Variants in BIRC6 observed in about 807,000 individuals in gnomAD.
BIRC6 encodes dual E2 ubiquitin-conjugating enzyme/E3 ubiquitin-protein ligase BIRC6.
BIRC6 carries 98 observed loss-of-function variants against 503.3 expected under a neutral mutation model. That is an observed-to-expected ratio of 0.19 (90% confidence interval 0.17 to 0.23). The LOEUF is 0.23. Ranked by LOEUF, BIRC6 falls within the 10% of genes least tolerant of loss-of-function variation. BIRC6 has a pLI of 1.00. For missense variants in BIRC6, 5,360 were observed against 5,806.0 expected, an observed-to-expected ratio of 0.92 and a Z score of 2.50; for synonymous variants, 2,240 against 2,078.7, an observed-to-expected ratio of 1.08 and a Z score of -2.11.
chr2:32,447,606 T>C (rs1479901432), intron 21 of BIRC6, among the ~76,000 whole-genome samples: 352 of 90,390 alleles, frequency 3.9e-3, no homozygotes, highest in South Asian at 4.2e-3. Context: ...GGCGGGGGGC[T>C]GATCCCCCCA....
chr2:32,590,644 A>G (rs1295622521), intron 66 of BIRC6, among the ~76,000 whole-genome samples: 2 of 152,160 alleles, frequency 1.3e-5, no homozygotes, highest in African/African-American at 4.8e-5. Context: ...CAGGAGAAAG[A>G]TTTGCCCATT....
At chr2:32,593,802 CAT>C (rs956855176) in intron 66 of BIRC6, 111 bp from the exon 67 acceptor site, 7 of 930,108 alleles carry the variant, frequency 7.5e-6, no homozygotes, top group African/African-American at 5.0e-5. Context: ...TAATATAGAT[CAT>C]GTGTGTGACA....
At chr2:32,520,803 C>G (rs759488710) in intron 57 of BIRC6, among the ~76,000 whole-genome samples, 1 of 152,010 alleles carries the variant, frequency 6.6e-6, no homozygotes, top group Admixed American at 6.6e-5. Flanking sequence ...GACGACAGAG[C>G]GAGACTCTCT....
intron 3 of BIRC6, among the ~76,000 whole-genome samples, chr2:32,381,758 C>T (rs1170344435): frequency 2.0e-5 from 3 of 151,972 alleles, no homozygotes; most frequent in Non-Finnish European, 4.4e-5. Context: ...GTTGGCCAGG[C>T]TTGTCTTGAG....
intron 41 of BIRC6, 112 bp from the exon 42 acceptor site, chr2:32,488,476 T>C: frequency 3.4e-6 from 3 of 873,632 alleles, no homozygotes; most frequent in Non-Finnish European, 5.0e-6. Context: ...AAGTGTTTAA[T>C]AGAAAAGGTT....
chr2:32,605,813 G>A (rs904933224), intron 71 of BIRC6, among the ~76,000 whole-genome samples: 6 of 152,020 alleles, frequency 3.9e-5, no homozygotes, highest in African/African-American at 1.2e-4. Context: ...AGCTGAGATC[G>A]CACCACTGCA....
intron 21 of BIRC6, among the ~76,000 whole-genome samples, chr2:32,446,770 T>TA (rs2046011185): frequency 8.1e-6 from 1 of 123,484 alleles, no homozygotes. Context: ...TTTTTTTTTT[T>TA]TATTGATCAT....
intron 65 of BIRC6, among the ~76,000 whole-genome samples, chr2:32,553,605 G>A (rs575351901): frequency 6.6e-6 from 1 of 151,996 alleles, no homozygotes; most frequent in Non-Finnish European, 1.5e-5. Flanking sequence ...GGCCAGGCCG[G>A]TCTCGAACTC....
At chr2:32,390,987 T>C (rs1334146395) in intron 4 of BIRC6, among the ~76,000 whole-genome samples, 1 of 152,228 alleles carries the variant, frequency 6.6e-6, no homozygotes, top group East Asian at 1.9e-4. Flanking sequence ...ATATGTGCTA[T>C]GGCTGTCATT....
Position 32,543,226 on chromosome 2 carries a change from TTTC to T in BIRC6, c.12292-12_12292-10del, listed in dbSNP as rs1205445038. The T allele has an allele frequency of 6.2e-7, 1 of 1,609,098 alleles. No homozygotes were observed. The highest frequency in any genetic ancestry group is 1.7e-5 in the Admixed American group (1 of 59,680). On this transcript the variant is annotated splice_polypyrimidine_tract_variant and intron_variant, in intron 61 of 73. Transcript: ENST00000421745. ...AAATGTGAATGGCCAAGCCAACACT[TTTC>T]TTTTTCTTTAGGTGAGTGCTCCAGT...
At chr2:32,558,320 C>CAA (rs140386546) in intron 65 of BIRC6, among the ~76,000 whole-genome samples, 7 of 151,896 alleles carry the variant, frequency 4.6e-5, no homozygotes, top group Non-Finnish European at 7.4e-5. Context: ...AATTTATATA[C>CAA]AAAAAACTAC....
At chr2:32,460,244 T>TTATATATA (rs1558785783) in intron 23 of BIRC6, among the ~76,000 whole-genome samples, 3 of 83,594 alleles carry the variant, frequency 3.6e-5, no homozygotes, top group African/African-American at 1.4e-4. Flanking sequence ...ATCTCGTATA[T>TTATATATA]GATATATATA....
chr2:32,485,655 G>C lies in BIRC6; in HGVS notation c.7709G>C (p.Arg2570Pro). ...SVSVSQALDA[R>P]LEVGLEQQAE... Reference sequence around the variant, plus strand: ...TTGCTTTTTGTAGCCCTGGATGCTCGCCTAGAAGTTGGACTTGAACAGCAA... The same window carrying C: ...TTGCTTTTTGTAGCCCTGGATGCTCCCCTAGAAGTTGGACTTGAACAGCAA... The change falls in exon 40 of 74, where the codon CGC becomes CCC. Residue 2570 changes from arginine (R) to proline (P), a missense_variant. Coordinates refer to ENST00000421745, the MANE Select transcript of BIRC6 (RefSeq NM_016252.4). 1 of 1,611,806 alleles carries C rather than the reference G, an allele frequency of 6.2e-7. No individual in the cohort carries two copies. The highest frequency in any genetic ancestry group is 8.5e-7 in the Non-Finnish European group (1 of 1,178,330).
Position 32,579,104 on chromosome 2 carries a change from G to T in BIRC6, c.13355+3738G>T, listed in dbSNP as rs187174645. On this transcript the variant is annotated intron_variant, in intron 66 of 73. Transcript: ENST00000421745. Reference sequence around the variant, plus strand: ...TAGATAAAGAAAATAGATTCATTGTGTATTCTGCAGATCTCTAGGTAGTGA... The same window carrying T: ...TAGATAAAGAAAATAGATTCATTGTTTATTCTGCAGATCTCTAGGTAGTGA... Among the ~76,000 whole-genome samples, 3 of 148,040 alleles carry T rather than the reference G, an allele frequency of 2.0e-5. No individual in the cohort carries two copies. In the East Asian group the frequency reaches 5.9e-4, roughly 29 times the overall value.
chr2:32,421,169 CG>C (rs2042917725), intron 10 of BIRC6, among the ~76,000 whole-genome samples: 1 of 148,822 alleles, frequency 6.7e-6, no homozygotes, highest in Non-Finnish European at 1.5e-5. Flanking sequence ...TGCAGTGGCT[CG>C]ATCTTGGCTA....
intron 1 of BIRC6, among the ~76,000 whole-genome samples, chr2:32,364,297 C>T (rs1558525828): frequency 6.6e-6 from 1 of 152,070 alleles, no homozygotes; most frequent in Non-Finnish European, 1.5e-5. Flanking sequence ...GCTCTGTTGC[C>T]TAGGCTGGAG....
At chr2:32,602,121 C>T (rs968616763) in intron 70 of BIRC6, among the ~76,000 whole-genome samples, 3 of 152,130 alleles carry the variant, frequency 2.0e-5, no homozygotes, top group African/African-American at 7.2e-5. Flanking sequence ...ATCAGAATCT[C>T]GAAGAGATAT....
chr2:32,414,019 C>T (rs1415425149), intron 9 of BIRC6, among the ~76,000 whole-genome samples: 1 of 152,130 alleles, frequency 6.6e-6, no homozygotes, highest in Non-Finnish European at 1.5e-5. Context: ...CGGCTGGGCA[C>T]GGTGGCTCAT....
intron 10 of BIRC6, among the ~76,000 whole-genome samples, chr2:32,426,029 G>T (rs959341668): frequency 2.6e-5 from 4 of 152,204 alleles, no homozygotes; most frequent in African/African-American, 9.7e-5. Context: ...AGGTCCCATA[G>T]TTCTGAAATA....
Sources: allele counts gnomAD v4.1 joint callset (sites outside exome capture counted in the v4.1 genomes callset), GRCh38; gene constraint gnomAD v4.1.1; transcripts MANE v1.5; gene names NCBI Gene and HGNC (gene_info 2026-07-23, HGNC 2026-07-21).